The following MYCBP2 variants were observed in gnomAD, a reference collection of about 807,000 sequenced individuals.
The protein encoded by MYCBP2 is MYC binding protein 2.
Under a neutral mutation model 525.3 loss-of-function variants are expected in MYCBP2, and 120 were observed. The observed-to-expected ratio is 0.23, with a 90% CI of 0.20 to 0.27. The LOEUF (loss-of-function observed/expected upper bound fraction) is 0.27, where lower values mean the gene tolerates loss of function less well. Ranked by LOEUF, MYCBP2 falls within the 10% of genes least tolerant of loss-of-function variation. The pLI is 1.00. For missense variants in MYCBP2, 4,149 were observed against 5,657.1 expected, an observed-to-expected ratio of 0.73 and a Z score of 8.55; for synonymous variants, 1,894 against 1,955.8, an observed-to-expected ratio of 0.97 and a Z score of 0.83.
chr13:77,280,344 A>C (rs2076060473), intron 3 of MYCBP2, among the ~76,000 whole-genome samples: 1 of 152,238 alleles, frequency 6.6e-6, no homozygotes, highest in Non-Finnish European at 1.5e-5. Flanking sequence ...CATTTGATAT[A>C]GTTTCTTTTC....
At chr13:77,318,074 T>C (rs1594887025) in intron 1 of MYCBP2, among the ~76,000 whole-genome samples, 1 of 152,144 alleles carries the variant, frequency 6.6e-6, no homozygotes, top group Admixed American at 6.5e-5. Flanking sequence ...CCTCAAACAG[T>C]AGTCCTGGGT....
intron 18 of MYCBP2, among the ~76,000 whole-genome samples, chr13:77,227,856 C>T (rs912438833): frequency 4.6e-5 from 7 of 152,036 alleles, no homozygotes; most frequent in African/African-American, 1.7e-4. Flanking sequence ...TTAGTGAATA[C>T]AACCACAATG....
At chr13:77,126,591 C>A (rs1168014525) in intron 52 of MYCBP2, 49 bp from the exon 53 acceptor site, 1 of 1,441,164 alleles carries the variant, frequency 6.9e-7, no homozygotes, top group South Asian at 1.3e-5. Context: ...AATCTATTAT[C>A]ACTTTCAAAG....
intron 14 of MYCBP2, among the ~76,000 whole-genome samples, chr13:77,255,304 T>C (rs1267434681): frequency 6.6e-6 from 1 of 151,916 alleles, no homozygotes; most frequent in African/African-American, 2.4e-5. Flanking sequence ...GTATGCACTG[T>C]ATGTGTCTTA....
intron 1 of MYCBP2, among the ~76,000 whole-genome samples, chr13:77,308,637 C>A (rs759803747): frequency 6.6e-6 from 1 of 152,126 alleles, no homozygotes; most frequent in Non-Finnish European, 1.5e-5. Context: ...TTGGGTTTCC[C>A]CAGAAGCAGA....
At chr13:77,068,086 C>T (rs773226967) in intron 70 of MYCBP2, among the ~76,000 whole-genome samples, 1 of 152,072 alleles carries the variant, frequency 6.6e-6, no homozygotes, top group East Asian at 1.9e-4. Context: ...AGTCACTGTA[C>T]CCCATCCCAG....
intron 41 of MYCBP2, 134 bp from the exon 42 acceptor site, chr13:77,165,525 A>G: frequency 1.5e-6 from 1 of 653,156 alleles, no homozygotes. Context: ...TAACTTAAAT[A>G]GACTTGCGGC....
At chr13:77,077,101 T>C (rs1220241229) in intron 67 of MYCBP2, 47 bp downstream of exon 67, 3 of 1,581,658 alleles carry the variant, frequency 1.9e-6, no homozygotes, top group Admixed American at 3.6e-5. Flanking sequence ...TCTTAAAATA[T>C]ATTACATCAA....
chr13:77,082,932 T>C (rs761179829), intron 63 of MYCBP2, 100 bp downstream of exon 63: 22 of 1,182,418 alleles, frequency 1.9e-5, no homozygotes, highest in Non-Finnish European at 2.5e-5. Context: ...AGGGATTCTA[T>C]CTTACTATTT....
In MYCBP2 at chr13:77,303,075, C is replaced by T. The variant is rs186987276; in HGVS notation, c.303-6401G>A. ...ATCGGCCAGGCGCGGTGGCTCATGCCTGTAATCCCAGCACTTTGGGAGGCC... is the reference window on the plus strand; with the variant it reads ...ATCGGCCAGGCGCGGTGGCTCATGCTTGTAATCCCAGCACTTTGGGAGGCC... On this transcript the variant is annotated intron_variant, in intron 1 of 82. Transcript: ENST00000544440. Among the ~76,000 whole-genome samples, 299 of 152,332 alleles carry T rather than the reference C, an allele frequency of 2.0e-3. 3 individuals are homozygous for T. Among genetic ancestry groups the T allele is most frequent in the Non-Finnish European group, 2.1e-3 (144 of 68,028 alleles).
chr13:77,133,626 G>A (rs1475452415), intron 52 of MYCBP2, among the ~76,000 whole-genome samples: 1 of 152,172 alleles, frequency 6.6e-6, no homozygotes, highest in East Asian at 1.9e-4. Context: ...TACAGATTAA[G>A]TGCTGCCTGA....
In MYCBP2 at chr13:77,068,697, G is replaced by A. The variant is rs1377032494; in HGVS notation, c.12039C>T (p.Cys4013=). The change falls in exon 70 of 83, where the codon TGC becomes TGT. Residue 4013 remains cysteine (C), a synonymous_variant. Coordinates refer to ENST00000544440, the MANE Select transcript of MYCBP2 (RefSeq NM_015057.5). ...NDEDASSDAY[C]FELLSMVLAL... is the part of the protein sequence containing the mutation. ...CTAAAACCATAGAGAGCAGCTCAAA[G>A]CAGTAGGCATCAGAGGAGGCATCTT... The A allele has an allele frequency of 1.9e-6, 3 of 1,614,204 alleles. No homozygotes were observed. Among genetic ancestry groups the A allele is most frequent in the Non-Finnish European group, 2.5e-6 (3 of 1,180,028 alleles).
At chr13:77,172,552 T>C (rs2059246827) in intron 37 of MYCBP2, among the ~76,000 whole-genome samples, 1 of 152,130 alleles carries the variant, frequency 6.6e-6, no homozygotes, top group African/African-American at 2.4e-5. Context: ...TTTAGAGGCT[T>C]ATTACAGTTA....
intron 57 of MYCBP2, among the ~76,000 whole-genome samples, 157 bp from the exon 58 acceptor site, chr13:77,095,759 C>T (rs1302103969): frequency 6.6e-6 from 1 of 152,134 alleles, no homozygotes; most frequent in Non-Finnish European, 1.5e-5. Context: ...ATTTCATATT[C>T]ATCCTGGGCT....
intron 58 of MYCBP2, 80 bp from the exon 59 acceptor site, chr13:77,093,412 A>G: frequency 1.6e-6 from 2 of 1,241,468 alleles, no homozygotes; most frequent in Non-Finnish European, 2.3e-6. Context: ...TCATAACAGG[A>G]AAAGCAGCAC....
At chr13:77,142,828 G>A (rs984488452) in intron 49 of MYCBP2, among the ~76,000 whole-genome samples, 3 of 152,180 alleles carry the variant, frequency 2.0e-5, no homozygotes, top group Non-Finnish European at 4.4e-5. Context: ...GCTCACTGGA[G>A]CATTCTGAAT....
At chr13:77,148,170 C>A (rs1420557227) in intron 47 of MYCBP2, among the ~76,000 whole-genome samples, 1 of 150,444 alleles carries the variant, frequency 6.6e-6, no homozygotes, top group East Asian at 1.9e-4. Context: ...ACTAAAATAG[C>A]CAAATGTGTA....
At chr13:77,068,933 G>T in intron 69 of MYCBP2, 102 bp from the exon 70 acceptor site, 5 of 1,157,900 alleles carry the variant, frequency 4.3e-6, no homozygotes, top group Non-Finnish European at 6.2e-6. Flanking sequence ...AATGTAAATT[G>T]ATACTCAATT....
chr13:77,076,873 AG>A, intron 67 of MYCBP2, 24 bp from the exon 68 acceptor site: 1 of 1,541,520 alleles, frequency 6.5e-7, no homozygotes, highest in Non-Finnish European at 8.9e-7. Flanking sequence ...GCATGTGAGA[AG>A]GAATTAATGA....
Sources: gnomAD v4.1 joint callset for allele counts (sites outside exome capture counted in the v4.1 genomes callset) on GRCh38, gnomAD v4.1.1 for gene constraint, MANE v1.5 for transcripts, NCBI Gene and HGNC (gene_info 2026-07-23, HGNC 2026-07-21) for gene names.